RABGAP1L: variants seen among roughly 807,000 people sequenced by gnomAD.
The protein encoded by RABGAP1L is rab GTPase-activating protein 1-like.
A neutral mutation model predicts 137.7 loss-of-function variants in RABGAP1L; 63 were observed. The observed-to-expected ratio is 0.46, with a 90% CI of 0.37 to 0.56. RABGAP1L has a LOEUF of 0.56. Among genes scored for constraint, RABGAP1L ranks in the 20% least tolerant of loss-of-function variants. RABGAP1L has a pLI of 0.00. For missense variants in RABGAP1L, 1,095 were observed against 1,244.0 expected, an observed-to-expected ratio of 0.88 and a Z score of 1.80; for synonymous variants, 431 against 433.7, an observed-to-expected ratio of 0.99 and a Z score of 0.08.
rs966138135 is a variant in RABGAP1L, at chr1:174,875,784, G to T, written c.2340+63824G>T. 3.5e-6 allele frequency: 3 copies of T among 855,748 alleles called. No individual in the cohort carries two copies. In the East Asian group the frequency reaches 3.6e-4, roughly 104 times the overall value. 53.0% of individuals were successfully genotyped at this position (855,748 alleles called of 1,614,324 possible). A position where few individuals can be genotyped will look rare whatever the true frequency, so the allele number is the denominator to read the frequency against. ...CATTTAATTTTTACCTGGTTAGTCA[G>T]AGTCAGGATAAATGTGCAGGAAAAA... is the stretch of plus-strand genomic sequence containing the variant. On this transcript the variant is annotated intron_variant, in intron 19 of 25. Transcript: ENST00000681986.
chr1:174,311,913 T>C (rs1244544912), intron 11 of RABGAP1L, among the ~76,000 whole-genome samples: 1 of 152,226 alleles, frequency 6.6e-6, no homozygotes, highest in Non-Finnish European at 1.5e-5. Flanking sequence ...AGCTGACAGA[T>C]GACTGGATCT....
intron 19 of RABGAP1L, among the ~76,000 whole-genome samples, chr1:174,941,551 T>C (rs1315116942): frequency 3.3e-5 from 5 of 152,206 alleles, no homozygotes; most frequent in Admixed American, 3.3e-4. Context: ...GGCAGAGCAC[T>C]GTTCGGGCCT....
intron 3 of RABGAP1L, among the ~76,000 whole-genome samples, chr1:174,222,199 A>C (rs1669807707): frequency 6.6e-6 from 1 of 152,136 alleles, no homozygotes; most frequent in Non-Finnish European, 1.5e-5. Flanking sequence ...ACCATTTTCT[A>C]GTAGTGAGGG....
Position 174,499,296 on chromosome 1 carries a change from T to G in RABGAP1L, c.1710+105151T>G, listed in dbSNP as rs1051251808. 2.6e-5 allele frequency among the ~76,000 whole-genome samples: 4 copies of G among 152,196 alleles called. No homozygotes were observed. The South Asian group carries it at 8.3e-4, about 32-fold the overall frequency. On this transcript the variant is annotated intron_variant, in intron 13 of 25. Transcript: ENST00000681986. ...TATTTTATGTGGATTAATTTTAAAA[T>G]TAATAGCATAGTAGAAAGATGATTG...
At chr1:174,905,158 A>C (rs7538588) in intron 19 of RABGAP1L, among the ~76,000 whole-genome samples, 89,996 of 152,090 alleles carry the variant, frequency 0.59, 29,554 homozygotes, top group African/African-American at 0.9. Flanking sequence ...CTAATAAAAA[A>C]CAAAACAAGC....
chr1:174,489,650 A>G (rs1303998646), intron 13 of RABGAP1L, among the ~76,000 whole-genome samples: 1 of 152,206 alleles, frequency 6.6e-6, no homozygotes, highest in Non-Finnish European at 1.5e-5. Context: ...AACTAGAAAT[A>G]GCATTTGACC....
chr1:174,569,765 C>G lies in RABGAP1L; in HGVS notation c.1711-67610C>G, dbSNP rs556089816. On this transcript the variant is annotated intron_variant, in intron 13 of 25. Coordinates refer to ENST00000681986, the MANE Select transcript of RABGAP1L (RefSeq NM_001366446.1). ...TTCAGTGGTGTATTTTCTCAGCTTT[C>G]TTGAGTAAAAATTAACGAAGTAGAG... Among the ~76,000 whole-genome samples, 9 of 152,332 alleles carry G rather than the reference C, an allele frequency of 5.9e-5. 1 individual carries two copies. The South Asian group carries it at 1.9e-3, about 32-fold the overall frequency.
intron 17 of RABGAP1L, among the ~76,000 whole-genome samples, chr1:174,726,602 A>G (rs535141894): frequency 1.3e-5 from 2 of 152,230 alleles, no homozygotes; most frequent in African/African-American, 2.4e-5. Context: ...TTTATCTATT[A>G]CTATTATAAG....
At chr1:174,681,121 G>A (rs1029147924) in intron 14 of RABGAP1L, among the ~76,000 whole-genome samples, 1 of 152,294 alleles carries the variant, frequency 6.6e-6, no homozygotes. Flanking sequence ...TGCTAGGGGT[G>A]TAATAATTGT....
At chr1:174,190,691 A>G (rs1667151475) in intron 1 of RABGAP1L, among the ~76,000 whole-genome samples, 1 of 152,228 alleles carries the variant, frequency 6.6e-6, no homozygotes, top group Admixed American at 6.5e-5. Flanking sequence ...GTGGACTGGC[A>G]CTTTAAATTT....
intron 19 of RABGAP1L, among the ~76,000 whole-genome samples, chr1:174,884,176 A>T (rs915469382): frequency 2.6e-5 from 4 of 152,226 alleles, no homozygotes; most frequent in African/African-American, 9.6e-5. Flanking sequence ...GATATTCTTC[A>T]CTGACAGAAA....
chr1:174,275,806 C>G, intron 8 of RABGAP1L, 27 bp from the exon 9 acceptor site: 1 of 1,516,222 alleles, frequency 6.6e-7, no homozygotes, highest in Non-Finnish European at 9.0e-7. Flanking sequence ...TGTCTTTTAT[C>G]AGTAATTACT....
intron 13 of RABGAP1L, among the ~76,000 whole-genome samples, chr1:174,495,638 A>G (rs1023192662): frequency 6.6e-6 from 1 of 152,202 alleles, no homozygotes; most frequent in African/African-American, 2.4e-5. Context: ...TACATAGTTT[A>G]CACTCTTGTA....
intron 19 of RABGAP1L, among the ~76,000 whole-genome samples, chr1:174,957,098 A>G (rs1178150659): frequency 2.0e-5 from 3 of 152,248 alleles, no homozygotes; most frequent in Non-Finnish European, 4.4e-5. Context: ...AGGTTGTGAC[A>G]TCAGCAATAT....
intron 19 of RABGAP1L, among the ~76,000 whole-genome samples, chr1:174,870,399 C>CT (rs1272196271): frequency 6.6e-6 from 1 of 152,130 alleles, no homozygotes; most frequent in African/African-American, 2.4e-5. Context: ...ACAGACATAG[C>CT]TTTTTTTATA....
In RABGAP1L at chr1:174,198,328, A is replaced by G. The variant is rs889989623; in HGVS notation, c.-33-20797A>G. Among the ~76,000 whole-genome samples, 25 of 152,318 alleles carry G rather than the reference A, an allele frequency of 1.6e-4. 1 individual carries two copies. The highest frequency in any genetic ancestry group is 6.8e-3 in the Middle Eastern group (2 of 294). On this transcript the variant is annotated intron_variant, in intron 1 of 25. Coordinates refer to ENST00000681986, the MANE Select transcript of RABGAP1L (RefSeq NM_001366446.1). ...GCCTTCAGGAGTTTCTTGAAGTAAT[A>G]AATACATTATTGTTGAGTTCATTTT...
intron 13 of RABGAP1L, among the ~76,000 whole-genome samples, chr1:174,404,348 T>G (rs1649008571): frequency 6.6e-6 from 1 of 152,154 alleles, no homozygotes; most frequent in South Asian, 2.1e-4. Flanking sequence ...CAGCTTCCAT[T>G]TAATGAGTTA....
intron 1 of RABGAP1L, among the ~76,000 whole-genome samples, chr1:174,182,955 G>T (rs1188765177): frequency 1.3e-5 from 2 of 152,044 alleles, no homozygotes; most frequent in African/African-American, 4.8e-5. Flanking sequence ...TGAACATGTT[G>T]TAATATTTTT....
At chr1:174,454,787 C>T (rs150827729) in intron 13 of RABGAP1L, among the ~76,000 whole-genome samples, 2 of 151,950 alleles carry the variant, frequency 1.3e-5, no homozygotes, top group Admixed American at 1.3e-4. Context: ...CTGACCTCCT[C>T]GTGTTCTACC....
Sources: allele counts gnomAD v4.1 joint callset (sites outside exome capture counted in the v4.1 genomes callset), GRCh38; gene constraint gnomAD v4.1.1; transcripts MANE v1.5; gene names NCBI Gene and HGNC (gene_info 2026-07-23, HGNC 2026-07-21).